The following LMNA variants were observed in gnomAD, a reference collection of about 807,000 sequenced individuals.
LMNA encodes the protein lamin A/C, also known as lamin.
Under a neutral mutation model 70.4 loss-of-function variants are expected in LMNA, and 20 were observed. The ratio of observed to expected loss-of-function variants is 0.28; its 90% CI spans 0.20 to 0.41. The LOEUF (loss-of-function observed/expected upper bound fraction) is 0.41. Among genes scored for constraint, LMNA ranks in the 10% least tolerant of loss-of-function variants. The pLI is 1.00. For synonymous variants in LMNA, 339 were observed against 372.8 expected (o/e 0.91, Z 1.04); for missense variants, 652 against 917.2 (o/e 0.71, Z 3.73).
rs1256741244 is a variant in LMNA, at chr1:156,139,423, C to G, written c.*317C>G. The G allele has an allele frequency of 2.2e-6, 3 of 1,353,568 alleles. No homozygotes were observed. The highest frequency in any genetic ancestry group is 2.8e-6 in the Non-Finnish European group (3 of 1,055,112). The allele number at this position is 1,353,568 out of a possible 1,614,324, so 83.8% of individuals were successfully genotyped here. A position where few individuals can be genotyped will look rare whatever the true frequency, so the allele number is the denominator to read the frequency against. On this transcript the variant is annotated 3_prime_UTR_variant, in exon 12 of 12. Transcript: ENST00000368300. ...AACCAAAGAGGGCTTCCTCTAGAAG[C>G]CAAGGGAAAGGGGTGCTTTTATAGA... is the stretch of plus-strand genomic sequence containing the variant.
intron 3 of LMNA, among the ~76,000 whole-genome samples, chr1:156,097,314 C>A (rs919481377): frequency 6.6e-6 from 1 of 152,180 alleles, no homozygotes; most frequent in African/African-American, 2.4e-5. Context: ...TGCTGGGGAC[C>A]GGATGCCTTG....
intron 2 of LMNA, among the ~76,000 whole-genome samples, chr1:156,083,918 G>A (rs989241851): frequency 6.6e-6 from 1 of 152,186 alleles, no homozygotes; most frequent in Admixed American, 6.5e-5. Flanking sequence ...AAGGTGGAGT[G>A]TAATGCAATT....
intron 3 of LMNA, among the ~76,000 whole-genome samples, chr1:156,108,937 T>C (rs1037053909): frequency 5.3e-5 from 8 of 152,184 alleles, no homozygotes; most frequent in African/African-American, 1.9e-4. Flanking sequence ...GCTAGGGATG[T>C]TACAAACCAT....
At chr1:156,086,083 C>T (rs1648461554) in intron 2 of LMNA, among the ~76,000 whole-genome samples, 1 of 152,140 alleles carries the variant, frequency 6.6e-6, no homozygotes, top group Admixed American at 6.6e-5. Flanking sequence ...AAGGTCCTAA[C>T]ACAGTGCCTG....
Position 156,138,846 on chromosome 1 carries a change from C to A in LMNA, c.1968+89C>A. 2 of 1,549,132 alleles carry A rather than the reference C, an allele frequency of 1.3e-6. No homozygotes were observed. Among genetic ancestry groups the A allele is most frequent in the Non-Finnish European group, 1.8e-6 (2 of 1,128,136 alleles). On this transcript the variant is annotated intron_variant, in intron 11 of 11. Transcript: ENST00000368300. This position sits in a 1 kb window ranked among gnomAD's most constrained non-coding sequence, Gnocchi z 5.5. The stretch of plus-strand genomic sequence containing the variant: ...CGAGGTGGCCTTGCAGGGGGGAGAG[C>A]CTGCCTTCTCTTCCGCAGCCCGGGG...
At chr1:156,086,278 A>T (rs1264982507) in intron 2 of LMNA, among the ~76,000 whole-genome samples, 1 of 152,220 alleles carries the variant, frequency 6.6e-6, no homozygotes, top group Non-Finnish European at 1.5e-5. Context: ...GACCCATCAT[A>T]GGTCACTTGA....
rs1367326608 is a variant in LMNA, at chr1:156,137,428, A to C, written c.1608+196A>C. 2 of 808,214 alleles carry C rather than the reference A, an allele frequency of 2.5e-6. No individual in the cohort carries two copies. Among genetic ancestry groups the C allele is most frequent in the Non-Finnish European group, 4.0e-6 (2 of 496,434 alleles). The allele number at this position is 808,214 out of a possible 1,614,324, so 50.1% of individuals were successfully genotyped here. ...ACAGCACAAGGGGTGGAAGTTAGAC[A>C]GTGAGGATTGTTAAAGGCAGAGCCA... On this transcript the variant is annotated intron_variant, in intron 9 of 11. Transcript: ENST00000368300. The surrounding 1 kb of genome is among the most constrained non-coding windows in gnomAD (Gnocchi z 4.6).
intron 3 of LMNA, among the ~76,000 whole-genome samples, chr1:156,102,177 G>C (rs1649166060): frequency 6.6e-6 from 1 of 152,212 alleles, no homozygotes; most frequent in Non-Finnish European, 1.5e-5. Flanking sequence ...GGAGGAATGT[G>C]CCTGTGCACC....
rs764019848 is a variant in LMNA at position 156,135,361 on chromosome 1, G to A, written c.936+49G>A. ...CTCCAGGGGCCTAGAGTCTGGGCCG[G>A]ATGCAGGCTGGAAGCCCAGGGTTGG... On this transcript the variant is annotated intron_variant, in intron 5 of 11. Coordinates refer to ENST00000368300, the MANE Select transcript of LMNA (RefSeq NM_170707.4). This position sits in a 1 kb window ranked among gnomAD's most constrained non-coding sequence, Gnocchi z 4.8. 4.6e-6 allele frequency: 6 copies of A among 1,303,448 alleles called. No individual in the cohort carries two copies. The highest frequency in any genetic ancestry group is 1.5e-5 in the African/African-American group (1 of 66,644). 80.7% of individuals were successfully genotyped at this position (1,303,448 alleles called of 1,614,324 possible).
chr1:156,084,972 G>T (rs1373232299), intron 2 of LMNA, among the ~76,000 whole-genome samples: 1 of 152,202 alleles, frequency 6.6e-6, no homozygotes, highest in Non-Finnish European at 1.5e-5. Flanking sequence ...TGGGGAAGGG[G>T]CTGGCTGAAA....
chr1:156,132,790 C>G (rs1403551792), intron 2 of LMNA, among the ~76,000 whole-genome samples: 2 of 151,764 alleles, frequency 1.3e-5, no homozygotes, highest in Admixed American at 6.6e-5. Flanking sequence ...GCTTCCTTGC[C>G]CTGTTTTTCT....
At chr1:156,114,608 G>T (rs1236876479), upstream of LMNA, 15 of 66,764 alleles carry the variant, frequency 2.2e-4, no homozygotes, top group Non-Finnish European at 4.4e-4. Flanking sequence ...CACCACTCCC[G>T]CCCCCACCCC....
intron 1 of LMNA, among the ~76,000 whole-genome samples, chr1:156,118,963 T>G (rs1246693782): frequency 6.6e-6 from 1 of 152,126 alleles, no homozygotes; most frequent in Non-Finnish European, 1.5e-5. Context: ...CTTCTTTTTT[T>G]GAGACAGGGT....
intron 2 of LMNA, among the ~76,000 whole-genome samples, chr1:156,089,559 C>T (rs1648612503): frequency 6.7e-6 from 1 of 150,200 alleles, no homozygotes; most frequent in African/African-American, 2.5e-5. Context: ...CTCCATTGCA[C>T]TCCAGCCTGG....
intron 3 of LMNA, among the ~76,000 whole-genome samples, chr1:156,091,928 T>C (rs533179966): frequency 3.8e-4 from 58 of 152,204 alleles, no homozygotes; most frequent in African/African-American, 1.3e-3. Flanking sequence ...AAAAATTTTT[T>C]TTTTTTGAGA....
In LMNA at chr1:156,140,069, C is replaced by T. The variant is rs1264125208; in HGVS notation, c.*963C>T. The T allele has an allele frequency of 4.3e-6, 2 of 466,588 alleles. No individual in the cohort carries two copies. Among genetic ancestry groups the T allele is most frequent in the Admixed American group, 3.9e-5 (1 of 25,866 alleles). 28.9% of individuals were successfully genotyped at this position (466,588 alleles called of 1,614,324 possible). On this transcript the variant is annotated 3_prime_UTR_variant, in exon 12 of 12. Coordinates refer to ENST00000368300, the MANE Select transcript of LMNA (RefSeq NM_170707.4). ...CTTCTCTCCTCCCCAAATCAATACA[C>T]TAGTTGTTTCTACCCCTGGCTGCTG...
chr1:156,120,269 C>A (rs926893298), intron 1 of LMNA, among the ~76,000 whole-genome samples: 1 of 152,230 alleles, frequency 6.6e-6, no homozygotes, highest in African/African-American at 2.4e-5. Context: ...AGCACTTGAT[C>A]ACAGGCCTTA....
chr1:156,130,602 C>G lies in LMNA; in HGVS notation c.357-15C>G. 1 of 1,613,688 alleles carries G rather than the reference C, an allele frequency of 6.2e-7. No homozygotes were observed. The highest frequency in any genetic ancestry group is 8.5e-7 in the Non-Finnish European group (1 of 1,179,916). On this transcript the variant is annotated splice_polypyrimidine_tract_variant and intron_variant, in intron 1 of 11. Coordinates refer to ENST00000368300, the MANE Select transcript of LMNA (RefSeq NM_170707.4). ...GACTCCTTCTCTTAAATCTACTCTCCCCTCTCTTCTTTAGCAATACCAAGA... is the reference window on the plus strand; with the variant it reads ...GACTCCTTCTCTTAAATCTACTCTCGCCTCTCTTCTTTAGCAATACCAAGA...
chr1:156,138,470 C>A lies in LMNA; in HGVS notation c.1699-18C>A. On this transcript the variant is annotated intron_variant, in intron 10 of 11. Coordinates refer to ENST00000368300, the MANE Select transcript of LMNA (RefSeq NM_170707.4). This position sits in a 1 kb window ranked among gnomAD's most constrained non-coding sequence, Gnocchi z 5.5. The stretch of plus-strand genomic sequence containing the variant: ...TCCCAGACTCGCCGTCCCGCCTGAG[C>A]CTTGTCTCCCTTCCCAGGGCTCCCA... The A allele has an allele frequency of 6.2e-7, 1 of 1,610,562 alleles. No individual in the cohort carries two copies. Among genetic ancestry groups the A allele is most frequent in the East Asian group, 2.2e-5 (1 of 44,812 alleles).
Sources: gnomAD v4.1 joint callset for allele counts (sites outside exome capture counted in the v4.1 genomes callset) on GRCh38, gnomAD v4.1.1 for gene constraint, Gnocchi (gnomAD v3.1) non-coding constraint, MANE v1.5 for transcripts, NCBI Gene and HGNC (gene_info 2026-07-23, HGNC 2026-07-21) for gene names.